Variants in CACNA1D observed in about 807,000 individuals in gnomAD.
The protein encoded by CACNA1D is voltage-dependent L-type calcium channel subunit alpha-1D.
In CACNA1D, 55 loss-of-function variants were observed where a neutral mutation model predicts 257.1. The observed-to-expected ratio is 0.21, with a 90% CI of 0.17 to 0.27. CACNA1D has a LOEUF of 0.27. Ranked by LOEUF, CACNA1D falls within the 10% of genes least tolerant of loss-of-function variation. The pLI is 1.00. For synonymous variants in CACNA1D, 980 were observed against 1,014.9 expected (o/e 0.97, Z 0.65); for missense variants, 1,876 against 2,784.0 (o/e 0.67, Z 7.34).
At chr3:53,641,757 A>G (rs557727982) in intron 3 of CACNA1D, among the ~76,000 whole-genome samples, 2 of 152,286 alleles carry the variant, frequency 1.3e-5, no homozygotes, top group Admixed American at 6.5e-5. Flanking sequence ...GAGAACGGAA[A>G]AGATTGAAGG....
intron 8 of CACNA1D, among the ~76,000 whole-genome samples, chr3:53,702,080 G>C (rs1369370069): frequency 1.3e-5 from 2 of 152,212 alleles, no homozygotes; most frequent in Non-Finnish European, 2.9e-5. Flanking sequence ...GCTCTGGCCC[G>C]AACCTGCAGG....
At chr3:53,539,349 C>T (rs144347383) in intron 3 of CACNA1D, among the ~76,000 whole-genome samples, 1,804 of 152,206 alleles carry the variant, frequency 0.012, 16 homozygotes, top group Non-Finnish European at 0.02. Flanking sequence ...ACCTCGTGAT[C>T]TGCCCGCCTC....
chr3:53,757,490 C>G (rs955356963), intron 29 of CACNA1D, among the ~76,000 whole-genome samples: 9 of 152,206 alleles, frequency 5.9e-5, no homozygotes, highest in African/African-American at 1.9e-4. Flanking sequence ...GCCTCCCTGC[C>G]TTCAAAATGA....
At chr3:53,543,945 A>G (rs931743853) in intron 3 of CACNA1D, among the ~76,000 whole-genome samples, 1 of 152,240 alleles carries the variant, frequency 6.6e-6, no homozygotes, top group Non-Finnish European at 1.5e-5. Context: ...ATATTTCTAC[A>G]CACAGATTTG....
Position 53,811,285 on chromosome 3 carries a change from T to A in CACNA1D, c.6365T>A (p.Leu2122His), listed in dbSNP as rs755450141. Residue 2122 changes from leucine (L) to histidine (H), a missense_variant, in exon 48 of 48, where the codon CTC (leucine) becomes CAC (histidine). Leu to His is a moderately conservative substitution (Grantham distance 99). This residue lies in a region of CACNA1D where 491 missense variants were observed against 554.3 expected (regional missense o/e 0.89). Transcript: ENST00000350061. This position sits in a 1 kb window ranked among gnomAD's most constrained non-coding sequence, Gnocchi z 4.2. Reference sequence around the variant, plus strand: ...CGAGCCAACGGGGATGTGGGCCCCCTCTCACACCGGCAGGACTATGAGCTA... The same window carrying A: ...CGAGCCAACGGGGATGTGGGCCCCCACTCACACCGGCAGGACTATGAGCTA... Reference protein sequence around the residue: ...RPRANGDVGPLSHRQDYELQD... With the variant: ...RPRANGDVGPHSHRQDYELQD... 8.1e-6 allele frequency: 13 copies of A among 1,613,668 alleles called. No homozygotes were observed. Among genetic ancestry groups the A allele is most frequent in the Non-Finnish European group, 1.7e-6 (2 of 1,180,024 alleles).
chr3:53,559,650 C>T (rs1024052327), intron 3 of CACNA1D, among the ~76,000 whole-genome samples: 2 of 152,166 alleles, frequency 1.3e-5, no homozygotes, highest in African/African-American at 4.8e-5. Context: ...AGGCCACTGG[C>T]ATACTTTTAG....
At chr3:53,741,882 G>A (rs2095121615) in intron 21 of CACNA1D, among the ~76,000 whole-genome samples, 1 of 152,128 alleles carries the variant, frequency 6.6e-6, no homozygotes, top group African/African-American at 2.4e-5. Flanking sequence ...TTACCCTTGG[G>A]CTTTGGGGAA....
At chr3:53,667,162 G>T (rs115970544) in intron 7 of CACNA1D, among the ~76,000 whole-genome samples, 12 of 152,122 alleles carry the variant, frequency 7.9e-5, no homozygotes, top group Non-Finnish European at 1.5e-4. Context: ...GGAATGGCAC[G>T]TAGACTTCCA....
At chr3:53,541,228 T>TA (rs1386360008) in intron 3 of CACNA1D, among the ~76,000 whole-genome samples, 1 of 152,210 alleles carries the variant, frequency 6.6e-6, no homozygotes, top group Non-Finnish European at 1.5e-5. Flanking sequence ...TACTCCCAGT[T>TA]AATTCATGTA....
At position 53,752,698 on chromosome 3, in the gene CACNA1D, C is replaced by T. The variant is rs575667231; in HGVS notation, c.3675+791C>T. Among the ~76,000 whole-genome samples, 150 of 152,238 alleles carry T rather than the reference C, an allele frequency of 9.9e-4. 1 individual carries two copies. The highest frequency in any genetic ancestry group is 3.3e-3 in the South Asian group (16 of 4,828). On this transcript the variant is annotated intron_variant, in intron 28 of 47. Transcript: ENST00000350061. ...CAGGCGTGAGCCACCGCGCCCGGCA[C>T]CTTTGGACACTTTGATCTGGGCCTG... is the stretch of plus-strand genomic sequence containing the variant.
At chr3:53,499,235 C>T (rs1472788836) in intron 2 of CACNA1D, among the ~76,000 whole-genome samples, 1 of 152,074 alleles carries the variant, frequency 6.6e-6, no homozygotes, top group African/African-American at 2.4e-5. Context: ...AATTAGGGGA[C>T]GTGGCTGCCA....
intron 4 of CACNA1D, among the ~76,000 whole-genome samples, chr3:53,658,759 C>G (rs776589617): frequency 6.6e-6 from 1 of 152,182 alleles, no homozygotes; most frequent in Non-Finnish European, 1.5e-5. Context: ...AGAGAGAAGC[C>G]TGTCATAAAT....
intron 3 of CACNA1D, among the ~76,000 whole-genome samples, chr3:53,619,080 G>C (rs184101380): frequency 2.0e-4 from 30 of 152,218 alleles, no homozygotes; most frequent in Admixed American, 1.0e-3. Context: ...CAGAAACAAC[G>C]CTGTAAAGTA....
intron 7 of CACNA1D, among the ~76,000 whole-genome samples, chr3:53,672,164 G>A (rs1225032192): frequency 1.3e-5 from 2 of 152,178 alleles, no homozygotes; most frequent in Non-Finnish European, 1.5e-5. Context: ...GGGAATAGGG[G>A]AATGGGGTTC....
intron 29 of CACNA1D, among the ~76,000 whole-genome samples, chr3:53,755,323 G>T (rs1157590526): frequency 6.6e-6 from 1 of 151,732 alleles, no homozygotes; most frequent in African/African-American, 2.4e-5. Context: ...TGGTGTGTAT[G>T]TGTGTGTGTC....
chr3:53,752,645 G>T (rs2095235719), intron 28 of CACNA1D, among the ~76,000 whole-genome samples: 1 of 152,164 alleles, frequency 6.6e-6, no homozygotes, highest in Non-Finnish European at 1.5e-5. Context: ...GTGATCCGTT[G>T]CCTCAGCCTC....
intron 3 of CACNA1D, among the ~76,000 whole-genome samples, chr3:53,589,648 TG>T (rs1327877431): frequency 6.6e-6 from 1 of 152,178 alleles, no homozygotes; most frequent in East Asian, 1.9e-4. Context: ...CTCCTTCTGT[TG>T]CCCAGGCTGG....
intron 10 of CACNA1D, 101 bp from the exon 11 acceptor site, chr3:53,719,654 G>A: frequency 1.9e-6 from 2 of 1,067,848 alleles, no homozygotes; most frequent in Admixed American, 3.4e-5. Flanking sequence ...GCTAAGTCCA[G>A]GCTGTATGCA....
intron 3 of CACNA1D, among the ~76,000 whole-genome samples, chr3:53,537,849 A>G (rs2092159117): frequency 6.6e-6 from 1 of 152,120 alleles, no homozygotes; most frequent in African/African-American, 2.4e-5. Context: ...TCTCCTCTGA[A>G]TTTCCTGTGA....
Sources: gnomAD v4.1 joint callset for allele counts (sites outside exome capture counted in the v4.1 genomes callset) on GRCh38, gnomAD v4.1.1 for gene constraint, gnomAD v4.1.1 regional missense constraint, Gnocchi (gnomAD v3.1) non-coding constraint, MANE v1.5 for transcripts, NCBI Gene and HGNC (gene_info 2026-07-23, HGNC 2026-07-21) for gene names.